Variants in RTL4 observed in about 807,000 individuals in gnomAD.
RTL4 encodes the protein retrotransposon Gag-like protein 4.
Under a neutral mutation model 5.3 loss-of-function variants are expected in RTL4, and 4 were observed. The observed-to-expected ratio is 0.75, with a 90% CI of 0.37 to 1.72. The LOEUF is 1.72. RTL4 is among the 40% of genes most tolerant of loss of function. RTL4 has a pLI of 0.04. For missense variants in RTL4, 260 were observed against 227.1 expected (o/e 1.14, Z -0.93); for synonymous variants, 98 against 87.3 (o/e 1.12, Z -0.68).
the RTL4 span, among the ~76,000 whole-genome samples, chrX:112,182,210 A>G: frequency 8.9e-6 from 1 of 111,893 alleles, no homozygotes; most frequent in East Asian, 2.8e-4. Context: ...AGGTAGCTAA[A>G]TCCAGGAAGA....
chrX:112,344,469 G>A, the RTL4 span, among the ~76,000 whole-genome samples: 2 of 111,626 alleles, frequency 1.8e-5, no homozygotes, highest in Admixed American at 9.5e-5. Context: ...AAGCAGGCAC[G>A]TCTTGCATGG....
the RTL4 span, among the ~76,000 whole-genome samples, chrX:112,136,455 C>A: frequency 8.9e-6 from 1 of 111,904 alleles, no homozygotes; most frequent in African/African-American, 3.2e-5. Context: ...ATGATGTTAG[C>A]TGCAGTGTTT....
At chrX:112,285,490 A>ATATATT in the RTL4 span, among the ~76,000 whole-genome samples, 1 of 111,706 alleles carries the variant, frequency 9.0e-6, no homozygotes, top group African/African-American at 3.2e-5. Flanking sequence ...CATATATAGA[A>ATATATT]GTATTGCCTT....
chrX:112,443,553 A>G, the RTL4 span, among the ~76,000 whole-genome samples: 1,421 of 112,014 alleles, frequency 0.013, 12 homozygotes, highest in South Asian at 0.025. Context: ...AATCCCATCA[A>G]CAGTGCACAA....
the RTL4 span, among the ~76,000 whole-genome samples, chrX:112,311,635 C>T: frequency 5.2e-3 from 582 of 111,026 alleles, 6 homozygotes; most frequent in African/African-American, 0.018. Context: ...TTCCTTTACA[C>T]CTTGAAAGCC....
the RTL4 span, among the ~76,000 whole-genome samples, chrX:112,332,053 A>G: frequency 9.1e-5 from 10 of 109,341 alleles, no homozygotes; most frequent in Non-Finnish European, 5.7e-5. Context: ...GATATACCTA[A>G]TGCTAGATGG....
the RTL4 span, among the ~76,000 whole-genome samples, chrX:112,088,182 C>A: frequency 3.7e-5 from 4 of 108,916 alleles, no homozygotes; most frequent in East Asian, 2.9e-4. Flanking sequence ...AAAAGAAGAT[C>A]CTGTATCCCT....
chrX:112,277,320 C>A, the RTL4 span, among the ~76,000 whole-genome samples: 1 of 111,657 alleles, frequency 9.0e-6, no homozygotes, highest in African/African-American at 3.3e-5. Flanking sequence ...GAAATCTGAG[C>A]ACTTTAAAAG....
At chrX:112,440,382 A>G in the RTL4 span, among the ~76,000 whole-genome samples, 1 of 111,540 alleles carries the variant, frequency 9.0e-6, no homozygotes, top group African/African-American at 3.3e-5. Flanking sequence ...GTGGCAGGTC[A>G]CAACCAGTTT....
At chrX:112,108,909 C>T in the RTL4 span, among the ~76,000 whole-genome samples, 3 of 111,217 alleles carry the variant, frequency 2.7e-5, no homozygotes, top group African/African-American at 9.8e-5. Context: ...CCAACCTAAG[C>T]TGTGGGGCTA....
chrX:112,376,186 G>A, the RTL4 span, among the ~76,000 whole-genome samples: 4 of 111,691 alleles, frequency 3.6e-5, no homozygotes, highest in Non-Finnish European at 7.5e-5. Flanking sequence ...TCCAAATCCA[G>A]TAGTGCTAAG....
chrX:112,379,771 GT>G, the RTL4 span, among the ~76,000 whole-genome samples: 1,251 of 111,644 alleles, frequency 0.011, 20 homozygotes, highest in African/African-American at 0.039. Flanking sequence ...ATGATCATAA[GT>G]TTTTTTATGT....
At chrX:112,262,755 G>T in the RTL4 span, among the ~76,000 whole-genome samples, 6 of 110,772 alleles carry the variant, frequency 5.4e-5, no homozygotes, top group East Asian at 2.8e-4. Context: ...GTATGTTTAT[G>T]GTGGCACTAT....
At chrX:112,304,625 G>A in the RTL4 span, among the ~76,000 whole-genome samples, 1 of 92,178 alleles carries the variant, frequency 1.1e-5, no homozygotes, top group East Asian at 4.0e-4. Context: ...CTGCTTACTA[G>A]AATTTTCCCA....
chrX:112,373,302 C>T, the RTL4 span, among the ~76,000 whole-genome samples: 1 of 111,341 alleles, frequency 9.0e-6, no homozygotes, highest in East Asian at 2.8e-4. Flanking sequence ...TCATCATCTG[C>T]TGTTGTTATT....
chrX:112,168,722 G>A, the RTL4 span, among the ~76,000 whole-genome samples: 5 of 112,023 alleles, frequency 4.5e-5, no homozygotes, highest in African/African-American at 9.7e-5. Flanking sequence ...TCTCAGTTCC[G>A]GGAATTGCCC....
At chrX:112,269,384 A>G in the RTL4 span, among the ~76,000 whole-genome samples, 3 of 111,701 alleles carry the variant, frequency 2.7e-5, no homozygotes, top group East Asian at 8.4e-4. Flanking sequence ...GCAATGATTT[A>G]GAGGGACCTT....
At chrX:112,356,553 T>C in the RTL4 span, among the ~76,000 whole-genome samples, 1 of 107,464 alleles carries the variant, frequency 9.3e-6, no homozygotes, top group Non-Finnish European at 1.9e-5. Flanking sequence ...AACTATATTA[T>C]ATCAATCAAA....
chrX:112,380,277 G>C, the RTL4 span, among the ~76,000 whole-genome samples: 1 of 109,834 alleles, frequency 9.1e-6, no homozygotes, highest in South Asian at 4.0e-4. Context: ...CTCCCTAGTA[G>C]CTGGGACTAC....
Sources: allele counts gnomAD v4.1 joint callset (sites outside exome capture counted in the v4.1 genomes callset), GRCh38; gene constraint gnomAD v4.1.1; transcripts MANE v1.5; gene names NCBI Gene and HGNC (gene_info 2026-07-23, HGNC 2026-07-21).